Variants in KLF8 observed in about 807,000 individuals in gnomAD.
KLF8 encodes Krueppel-like factor 8.
Under a neutral mutation model 18.2 loss-of-function variants are expected in KLF8, and 10 were observed. That is an observed-to-expected ratio of 0.55 (90% CI 0.34 to 0.93). The LOEUF is 0.93. Among genes scored for constraint, KLF8 ranks in the 40% least tolerant of loss-of-function variants. The pLI is 0.02. For missense variants in KLF8, 264 were observed against 277.9 expected (o/e 0.95, Z 0.36); for synonymous variants, 109 against 97.3 (o/e 1.12, Z -0.71).
At chrX:55,937,717 C>T in the KLF8 span, among the ~76,000 whole-genome samples, 62 of 112,256 alleles carry the variant, frequency 5.5e-4, no homozygotes, top group African/African-American at 1.8e-3. Context: ...ATGAGAACTA[C>T]GTGATGAATG....
the KLF8 span, among the ~76,000 whole-genome samples, chrX:56,000,098 A>G: frequency 2.9e-4 from 32 of 111,744 alleles, no homozygotes; most frequent in African/African-American, 1.0e-3. Flanking sequence ...TACTAGGATG[A>G]TCATAGGCTT....
At chrX:56,270,422 G>GAGA in intron 5 of KLF8, 101 bp downstream of exon 5, 1 of 935,658 alleles carries the variant, frequency 1.1e-6, no homozygotes, top group East Asian at 3.7e-5. Context: ...GAGAGAGAGA[G>GAGA]GGGCAGAGAG....
chrX:56,189,334 C>T, the KLF8 span, among the ~76,000 whole-genome samples: 179 of 111,789 alleles, frequency 1.6e-3, 2 homozygotes, highest in African/African-American at 5.4e-3. Context: ...TTATCTCACA[C>T]CAGTTAGAAT....
chrX:55,934,501 T>C, the KLF8 span, among the ~76,000 whole-genome samples: 2 of 112,353 alleles, frequency 1.8e-5, no homozygotes, highest in Non-Finnish European at 3.8e-5. Context: ...TCTCTTTGAA[T>C]GCTAGTGTAA....
the KLF8 span, among the ~76,000 whole-genome samples, chrX:56,188,897 G>A: frequency 8.9e-6 from 1 of 111,872 alleles, no homozygotes; most frequent in Non-Finnish European, 1.9e-5. Flanking sequence ...TTAAATGTTA[G>A]ACCTAAAACC....
At chrX:56,124,775 T>G in the KLF8 span, among the ~76,000 whole-genome samples, 1 of 112,354 alleles carries the variant, frequency 8.9e-6, no homozygotes, top group Non-Finnish European at 1.9e-5. Flanking sequence ...GAAAATGATT[T>G]TTTTTATGTC....
the KLF8 span, among the ~76,000 whole-genome samples, chrX:56,057,237 T>G: frequency 0.21 from 23,129 of 110,953 alleles, 4,929 homozygotes; most frequent in African/African-American, 0.66. Context: ...AGAATTCCTT[T>G]TTCTTTATGC....
the KLF8 span, among the ~76,000 whole-genome samples, chrX:56,184,572 C>T: frequency 3.6e-5 from 4 of 112,354 alleles, no homozygotes; most frequent in African/African-American, 1.3e-4. Flanking sequence ...ACTGCCTCCT[C>T]AAGTGCGTCC....
chrX:56,127,183 T>G, the KLF8 span, among the ~76,000 whole-genome samples: 1 of 111,587 alleles, frequency 9.0e-6, no homozygotes, highest in Non-Finnish European at 1.9e-5. Context: ...CTCTGACATA[T>G]TATATATTGT....
chrX:56,171,211 A>G, the KLF8 span, among the ~76,000 whole-genome samples: 2 of 111,802 alleles, frequency 1.8e-5, no homozygotes, highest in East Asian at 2.8e-4. Context: ...AACTACAATA[A>G]CTTTTCAAGA....
At chrX:56,177,330 C>A in the KLF8 span, among the ~76,000 whole-genome samples, 57 of 111,321 alleles carry the variant, frequency 5.1e-4, no homozygotes, top group African/African-American at 1.7e-3. Flanking sequence ...AGTCAGGACC[C>A]TCAGCTGCAG....
the KLF8 span, among the ~76,000 whole-genome samples, chrX:56,055,676 TC>T: frequency 8.9e-6 from 1 of 112,122 alleles, no homozygotes; most frequent in Non-Finnish European, 1.9e-5. Context: ...TTGTTTACAC[TC>T]TCTCCATCTT....
chrX:56,215,327 G>A, the KLF8 span, among the ~76,000 whole-genome samples: 1 of 111,444 alleles, frequency 9.0e-6, no homozygotes, highest in African/African-American at 3.3e-5. Context: ...GAGTTTCTTG[G>A]ACAAAAGATA....
chrX:56,229,848 C>T (rs2066389238), upstream of KLF8, among the ~76,000 whole-genome samples: 1 of 111,961 alleles, frequency 8.9e-6, no homozygotes, highest in Admixed American at 9.5e-5. Flanking sequence ...TGATAAAGCA[C>T]AGGTGCTCAA....
chrX:55,979,407 G>T, the KLF8 span, among the ~76,000 whole-genome samples: 1 of 111,488 alleles, frequency 9.0e-6, no homozygotes, highest in Non-Finnish European at 1.9e-5. Flanking sequence ...ATGAAGTTTG[G>T]TACTATCCAT....
At chrX:56,273,958 A>G (rs1198255177) in intron 5 of KLF8, among the ~76,000 whole-genome samples, 5 of 112,325 alleles carry the variant, frequency 4.5e-5, no homozygotes, top group South Asian at 3.7e-4. Flanking sequence ...AATTCTGGCT[A>G]TTGTGAATAC....
the KLF8 span, among the ~76,000 whole-genome samples, chrX:55,916,888 T>G: frequency 8.9e-6 from 1 of 111,983 alleles, no homozygotes; most frequent in African/African-American, 3.2e-5. Flanking sequence ...GCAGTTGATA[T>G]TTGAAGTTTT....
At chrX:55,910,921 C>T in the KLF8 span, among the ~76,000 whole-genome samples, 3 of 111,699 alleles carry the variant, frequency 2.7e-5, no homozygotes, top group Non-Finnish European at 5.6e-5. Context: ...CTTGAAACTA[C>T]TGTTGACAGC....
chrX:56,135,351 C>G, the KLF8 span, among the ~76,000 whole-genome samples: 5 of 111,460 alleles, frequency 4.5e-5, no homozygotes, highest in Non-Finnish European at 7.6e-5. Flanking sequence ...CACATATACA[C>G]CATGGAATAC....
Sources: allele counts gnomAD v4.1 joint callset (sites outside exome capture counted in the v4.1 genomes callset), GRCh38; gene constraint gnomAD v4.1.1; transcripts MANE v1.5; gene names NCBI Gene and HGNC (gene_info 2026-07-23, HGNC 2026-07-21).